Variants in FOXP2 observed in about 807,000 individuals in gnomAD.
FOXP2 encodes the protein forkhead box P2.
In FOXP2, 12 loss-of-function variants were observed where a neutral mutation model predicts 115.8. The observed-to-expected ratio is 0.10, with a 90% CI of 0.07 to 0.17. The LOEUF (loss-of-function observed/expected upper bound fraction) is 0.17, where lower values mean the gene tolerates loss of function less well. Ranked by LOEUF, FOXP2 falls within the 10% of genes least tolerant of loss-of-function variation. The probability of loss-of-function intolerance (pLI) is 1.00; values close to 1 mark genes in which losing one functional copy is unlikely to be tolerated. For synonymous variants in FOXP2, 328 were observed against 297.7 expected (o/e 1.10, Z -1.05); for missense variants, 629 against 843.5 (o/e 0.75, Z 3.15).
intron 3 of FOXP2, among the ~76,000 whole-genome samples, chr7:114,541,333 T>C (rs1799650807): frequency 6.6e-6 from 1 of 152,030 alleles, no homozygotes; most frequent in South Asian, 2.1e-4. Context: ...CACATTTTTT[T>C]AGAGCAAGAA....
intron 9 of FOXP2, among the ~76,000 whole-genome samples, chr7:114,653,703 G>C (rs1360491380): frequency 6.6e-6 from 1 of 152,114 alleles, no homozygotes; most frequent in Non-Finnish European, 1.5e-5. Flanking sequence ...AAGATGAAGT[G>C]TTATTTGTTT....
chr7:114,109,259 CATT>C (rs2129141887), intron 1 of FOXP2, among the ~76,000 whole-genome samples: 1 of 152,106 alleles, frequency 6.6e-6, no homozygotes, highest in East Asian at 1.9e-4. Flanking sequence ...GATTCAATGT[CATT>C]GATGAAGTTG....
intron 2 of FOXP2, among the ~76,000 whole-genome samples, chr7:114,397,430 A>T (rs1792771517): frequency 6.6e-6 from 1 of 152,160 alleles, no homozygotes; most frequent in African/African-American, 2.4e-5. Context: ...TTTCCATATG[A>T]TGTAGAGAAA....
At chr7:114,205,600 A>G (rs1242171349) in intron 1 of FOXP2, among the ~76,000 whole-genome samples, 2 of 152,190 alleles carry the variant, frequency 1.3e-5, no homozygotes, top group African/African-American at 4.8e-5. Flanking sequence ...TTCTCTGGGA[A>G]GCATATTATG....
intron 1 of FOXP2, among the ~76,000 whole-genome samples, chr7:114,141,664 C>T (rs1792211443): frequency 6.6e-6 from 1 of 152,148 alleles, no homozygotes. Context: ...AAGTTGCTCT[C>T]CAAATACCAT....
chr7:114,190,518 T>A (rs1166733821), intron 1 of FOXP2, among the ~76,000 whole-genome samples: 2 of 152,312 alleles, frequency 1.3e-5, no homozygotes, highest in Non-Finnish European at 2.9e-5. Context: ...GGAACTACAC[T>A]TGTGGCTTTT....
chr7:114,293,493 G>A (rs1006724080), intron 2 of FOXP2, among the ~76,000 whole-genome samples: 8 of 152,136 alleles, frequency 5.3e-5, no homozygotes, highest in Non-Finnish European at 1.2e-4. Flanking sequence ...ACCACCCCTT[G>A]ATTCCTGAGC....
intron 1 of FOXP2, among the ~76,000 whole-genome samples, chr7:114,249,554 G>C (rs868056721): frequency 1.3e-5 from 2 of 152,164 alleles, no homozygotes; most frequent in Middle Eastern, 3.4e-3. Flanking sequence ...TCTTTCCTTT[G>C]TATGGCTGCA....
In FOXP2 at chr7:114,659,417, A is replaced by G. The variant is rs1806757633; in HGVS notation, c.1530A>G (p.Ala510=). ...ATGTCAGACCTCCATTTACTTATGC[A>G]ACTCTCATAAGGCAGGTAAGTAGAA... The part of the protein sequence containing the change: ...NADVRPPFTY[A]TLIRQAIMES... Residue 510 remains alanine (A), a synonymous_variant, in exon 12 of 17, where the codon GCA becomes GCG. Coordinates refer to ENST00000350908, the MANE Select transcript of FOXP2 (RefSeq NM_014491.4). 1.2e-6 allele frequency: 2 copies of G among 1,612,948 alleles called. No homozygotes were observed.
intron 2 of FOXP2, among the ~76,000 whole-genome samples, chr7:114,401,052 A>G (rs1482640008): frequency 6.6e-6 from 1 of 152,158 alleles, no homozygotes; most frequent in African/African-American, 2.4e-5. Context: ...CAGGGTGATC[A>G]GACATCACCT....
intron 3 of FOXP2, among the ~76,000 whole-genome samples, chr7:114,571,323 T>C (rs768049821): frequency 2.6e-5 from 4 of 151,838 alleles, no homozygotes; most frequent in Non-Finnish European, 5.9e-5. Context: ...GCCACTAGAG[T>C]GTAACTTGTC....
chr7:114,615,810 C>G (rs976749694), intron 3 of FOXP2, among the ~76,000 whole-genome samples: 1 of 152,164 alleles, frequency 6.6e-6, no homozygotes, highest in African/African-American at 2.4e-5. Flanking sequence ...AGGCCAAGTT[C>G]GGGAACTTTG....
In FOXP2 at chr7:114,218,690, C is replaced by A. The variant is rs1269711279; in HGVS notation, c.-102+55602C>A. On this transcript the variant is annotated intron_variant, in intron 1 of 17. Transcript: ENST00000634411. Reference sequence around the variant, plus strand: ...TAAGGAAAGTCCAATGAGTGTCAAGCACTGAATAGATTAACTATGAAAGAA... The same window carrying A: ...TAAGGAAAGTCCAATGAGTGTCAAGAACTGAATAGATTAACTATGAAAGAA... Among the ~76,000 whole-genome samples the A allele has an allele frequency of 2.0e-5, 3 of 152,090 alleles. No homozygotes were observed. The East Asian group carries it at 5.8e-4, about 29-fold the overall frequency.
At chr7:114,488,133 C>G (rs957771817) in intron 2 of FOXP2, among the ~76,000 whole-genome samples, 1 of 152,122 alleles carries the variant, frequency 6.6e-6, no homozygotes, top group African/African-American at 2.4e-5. Context: ...AAAGGGGAGG[C>G]AAGACATGTC....
intron 6 of FOXP2, among the ~76,000 whole-genome samples, chr7:114,635,186 G>A (rs759604825): frequency 5.3e-5 from 8 of 152,112 alleles, no homozygotes; most frequent in African/African-American, 9.7e-5. Flanking sequence ...GTCTTTGGGC[G>A]CAATATTCAG....
chr7:114,471,304 G>T (rs1050659055), intron 2 of FOXP2, among the ~76,000 whole-genome samples: 1 of 152,088 alleles, frequency 6.6e-6, no homozygotes, highest in Non-Finnish European at 1.5e-5. Flanking sequence ...TTTGTATTCA[G>T]AGAATATTGC....
At chr7:114,347,245 G>T (rs1791369117) in intron 2 of FOXP2, among the ~76,000 whole-genome samples, 1 of 151,808 alleles carries the variant, frequency 6.6e-6, no homozygotes, top group Admixed American at 6.6e-5. Flanking sequence ...GTGTGTTTCA[G>T]GGGCTTCCTT....
At chr7:114,351,247 A>G (rs1791482248) in intron 2 of FOXP2, among the ~76,000 whole-genome samples, 1 of 152,202 alleles carries the variant, frequency 6.6e-6, no homozygotes, top group Admixed American at 6.5e-5. Context: ...ACAGAGAACT[A>G]TTAGAATAAA....
chr7:114,477,596 A>G (rs531717163), intron 2 of FOXP2, among the ~76,000 whole-genome samples: 37 of 152,020 alleles, frequency 2.4e-4, no homozygotes, highest in Non-Finnish European at 4.9e-4. Context: ...ACATCATGTA[A>G]TATTCCCATG....
Sources: allele counts gnomAD v4.1 joint callset (sites outside exome capture counted in the v4.1 genomes callset), GRCh38; gene constraint gnomAD v4.1.1; transcripts MANE v1.5; gene names NCBI Gene and HGNC (gene_info 2026-07-23, HGNC 2026-07-21).